Variants in C10orf67 observed in about 807,000 individuals in gnomAD.
The protein encoded by C10orf67 is chromosome 10 open reading frame 67, also known as uncharacterized protein C10orf67, mitochondrial.
A neutral mutation model predicts 35.6 loss-of-function variants in C10orf67; 60 were observed. The ratio of observed to expected loss-of-function variants is 1.68; its 90% confidence interval spans 1.37 to 2.09. The LOEUF is 2.09. Ranked by LOEUF, C10orf67 falls within the 30% of genes most tolerant of loss-of-function variation. The pLI is 0.00. For missense variants in C10orf67, 474 were observed against 330.2 expected, an observed-to-expected ratio of 1.44 and a Z score of -3.38; for synonymous variants, 167 against 115.8, an observed-to-expected ratio of 1.44 and a Z score of -2.84.
chr10:23,215,244 AAG>A (rs990205622), intron 15 of C10orf67, among the ~76,000 whole-genome samples: 4 of 152,308 alleles, frequency 2.6e-5, no homozygotes, highest in African/African-American at 9.6e-5. Flanking sequence ...CACCTTCACA[AAG>A]GACACTAGGT....
chr10:23,221,582 T>C (rs901635406), intron 15 of C10orf67, among the ~76,000 whole-genome samples: 6 of 152,206 alleles, frequency 3.9e-5, no homozygotes, highest in Admixed American at 2.6e-4. Flanking sequence ...TTTGGCCCTT[T>C]GACTGGCAAT....
At chr10:23,269,441 T>C (rs1346877862) in intron 8 of C10orf67, among the ~76,000 whole-genome samples, 2 of 151,854 alleles carry the variant, frequency 1.3e-5, no homozygotes, top group Non-Finnish European at 2.9e-5. Context: ...TTCTAAAATA[T>C]TAAAAGTAGG....
At chr10:23,308,195 C>A (rs1480064896) in intron 4 of C10orf67, among the ~76,000 whole-genome samples, 2 of 152,182 alleles carry the variant, frequency 1.3e-5, no homozygotes, top group African/African-American at 4.8e-5. Context: ...CTTGTTCGAT[C>A]TACCCCTAAT....
chr10:23,286,887 C>A (rs367784354), intron 7 of C10orf67, among the ~76,000 whole-genome samples: 1 of 152,144 alleles, frequency 6.6e-6, no homozygotes, highest in Admixed American at 6.5e-5. Context: ...CCACCTCTGA[C>A]CAATCAGGGT....
At chr10:23,275,812 G>A (rs1043426550) in intron 8 of C10orf67, among the ~76,000 whole-genome samples, 1 of 152,120 alleles carries the variant, frequency 6.6e-6, no homozygotes, top group African/African-American at 2.4e-5. Flanking sequence ...ACTGTATCTA[G>A]AATTTTTTGA....
At position 23,318,891 on chromosome 10, in the gene C10orf67, A is replaced by C. The variant is rs775290196; in HGVS notation, c.546+1850T>G. ...ACCTTGCTACCTTCAGCACATCCAGAGTATCTCAATGTTTGGTTTCACAGT... is the reference window on the plus strand; with the variant it reads ...ACCTTGCTACCTTCAGCACATCCAGCGTATCTCAATGTTTGGTTTCACAGT... On this transcript the variant is annotated intron_variant, in intron 4 of 15. Coordinates refer to ENST00000636213, the MANE Select transcript of C10orf67 (RefSeq NM_001371909.1). The C allele has an allele frequency of 1.0e-4, 78 of 777,872 alleles. No homozygotes were observed. In the East Asian group the frequency reaches 1.9e-3, roughly 19 times the overall value. The allele number at this position is 777,872 out of a possible 1,614,324, so 48.2% of individuals were successfully genotyped here. A position where few individuals can be genotyped will look rare whatever the true frequency, so the allele number is the denominator to read the frequency against.
intron 10 of C10orf67, among the ~76,000 whole-genome samples, chr10:23,256,154 A>G (rs2012056803): frequency 6.6e-6 from 1 of 151,980 alleles, no homozygotes; most frequent in African/African-American, 2.4e-5. Flanking sequence ...GCTGTGCACC[A>G]CCATGCCTGG....
chr10:23,322,851 T>TAC (rs1845013666), intron 2 of C10orf67, among the ~76,000 whole-genome samples: 2 of 152,022 alleles, frequency 1.3e-5, no homozygotes, highest in East Asian at 1.9e-4. Context: ...TATATATATA[T>TAC]ACACACATTA....
At chr10:23,328,763 C>T (rs965144841) in intron 2 of C10orf67, among the ~76,000 whole-genome samples, 2 of 150,268 alleles carry the variant, frequency 1.3e-5, no homozygotes, top group African/African-American at 2.4e-5. Context: ...GCAGGAGGAT[C>T]GCTTAAGCTC....
intron 2 of C10orf67, among the ~76,000 whole-genome samples, chr10:23,327,799 T>C (rs1469674011): frequency 1.3e-5 from 2 of 149,044 alleles, no homozygotes; most frequent in Non-Finnish European, 3.0e-5. Flanking sequence ...CACTCCAGCC[T>C]GGGTGACAGG....
chr10:23,275,498 G>C (rs140918215), intron 8 of C10orf67, among the ~76,000 whole-genome samples: 1 of 152,084 alleles, frequency 6.6e-6, no homozygotes, highest in Non-Finnish European at 1.5e-5. Context: ...TAGGTTGCAG[G>C]TTTACATTTG....
intron 7 of C10orf67, among the ~76,000 whole-genome samples, chr10:23,288,400 A>G (rs1010880637): frequency 6.6e-6 from 1 of 152,232 alleles, no homozygotes; most frequent in Non-Finnish European, 1.5e-5. Context: ...GTTCTCACTC[A>G]TAAGTAGGAG....
At chr10:23,242,759 C>T (rs1440225018) in intron 12 of C10orf67, among the ~76,000 whole-genome samples, 3 of 151,582 alleles carry the variant, frequency 2.0e-5, no homozygotes. Context: ...AAATGAATAA[C>T]AAATTAATAA....
chr10:23,241,002 C>T (rs1362911514), intron 12 of C10orf67, among the ~76,000 whole-genome samples: 4 of 152,218 alleles, frequency 2.6e-5, no homozygotes, highest in African/African-American at 7.2e-5. Flanking sequence ...CAGGGTCAAA[C>T]GTGCTACCTT....
downstream of C10orf67, chr10:23,201,984 T>A (rs527269190): frequency 4.6e-5 from 7 of 152,376 alleles, 1 homozygote; most frequent in African/African-American, 1.7e-4. Flanking sequence ...CTAACTTTTA[T>A]TTACCTTGCA....
intron 4 of C10orf67, among the ~76,000 whole-genome samples, chr10:23,311,365 T>C (rs998798801): frequency 6.6e-6 from 1 of 152,178 alleles, no homozygotes; most frequent in African/African-American, 2.4e-5. Flanking sequence ...GGCCTGAGTA[T>C]GACAAAGTTC....
chr10:23,225,758 C>G (rs1232500442), intron 13 of C10orf67, among the ~76,000 whole-genome samples: 1 of 151,992 alleles, frequency 6.6e-6, no homozygotes, highest in Non-Finnish European at 1.5e-5. Flanking sequence ...CAACAAAGTT[C>G]AAAAAAGACA....
At chr10:23,218,636 A>G (rs568514346) in intron 15 of C10orf67, among the ~76,000 whole-genome samples, 1 of 152,334 alleles carries the variant, frequency 6.6e-6, no homozygotes, top group East Asian at 1.9e-4. Context: ...TAGGTAACTG[A>G]TGGTAACAAG....
chr10:23,249,960 T>A (rs1188412801), intron 12 of C10orf67, among the ~76,000 whole-genome samples: 1 of 152,164 alleles, frequency 6.6e-6, no homozygotes, highest in Non-Finnish European at 1.5e-5. Context: ...AATTTTACAG[T>A]TTCTCCATTT....
Sources: allele counts gnomAD v4.1 joint callset (sites outside exome capture counted in the v4.1 genomes callset), GRCh38; gene constraint gnomAD v4.1.1; transcripts MANE v1.5; gene names NCBI Gene and HGNC (gene_info 2026-07-23, HGNC 2026-07-21).